Variants in CRTAP observed in about 807,000 individuals in gnomAD.
CRTAP encodes the protein cartilage-associated protein.
Under a neutral mutation model 42.7 loss-of-function variants are expected in CRTAP, and 33 were observed. That is an observed-to-expected ratio of 0.77 (90% CI 0.59 to 1.03). The LOEUF (loss-of-function observed/expected upper bound fraction) is 1.03, where lower values mean the gene tolerates loss of function less well. CRTAP is among the 50% of genes least tolerant of loss of function. The pLI is 0.00. For synonymous variants in CRTAP, 243 were observed against 217.7 expected (o/e 1.12, Z -1.02); for missense variants, 613 against 533.9 (o/e 1.15, Z -1.46).
At position 33,114,153 on chromosome 3, in the gene CRTAP, GC is replaced by G; in HGVS notation, c.79del (p.Gln27AsnfsTer15). ...CVACALRAGRAQYERYSFRSF... is the reference protein window; with the variant it reads ...CVACALRAGRXQYERYSFRSF... ...GGCCTGCGCGCTGCGCGCCGGGCGC[GC>G]CCAATACGAACGCTACAGCTTCCGC... On this transcript the variant is annotated frameshift_variant, in exon 1 of 7. Transcript: ENST00000320954. LOFTEE classifies it high-confidence loss of function. 2 of 1,583,382 alleles carry G rather than the reference GC, an allele frequency of 1.3e-6. No individual in the cohort carries two copies. Among genetic ancestry groups the G allele is most frequent in the Non-Finnish European group, 8.5e-7 (1 of 1,173,184 alleles).
chr3:33,121,965 T>C (rs531114743), intron 2 of CRTAP, among the ~76,000 whole-genome samples: 36 of 152,244 alleles, frequency 2.4e-4, no homozygotes, highest in African/African-American at 8.7e-4. Flanking sequence ...CGCATGCCAA[T>C]GGGACATATA....
chr3:33,132,664 T>G lies in CRTAP; in HGVS notation c.1032T>G (p.Thr344=), dbSNP rs1135127. 0.4 allele frequency: 652,633 copies of G among 1,612,246 alleles called. 137,016 individuals carry two copies. Among genetic ancestry groups the G allele is most frequent in the Middle Eastern group, 0.51 (3,061 of 6,038 alleles). Residue 344 remains threonine (T), a synonymous_variant, in exon 5 of 7, where the codon ACT becomes ACG. Coordinates refer to ENST00000320954, the MANE Select transcript of CRTAP (RefSeq NM_006371.5). Reference sequence around the variant, plus strand: ...TGTATTACCAGTACCACAGGGACACTTGGGGCCTCTCGGATGAGCACTTCC... The same window carrying G: ...TGTATTACCAGTACCACAGGGACACGTGGGGCCTCTCGGATGAGCACTTCC... ...NLVYYQYHRD[T]WGLSDEHFQP... is the part of the protein sequence containing the mutation.
chr3:33,127,673 C>G (rs982674235), intron 3 of CRTAP, among the ~76,000 whole-genome samples: 3 of 152,068 alleles, frequency 2.0e-5, no homozygotes, highest in African/African-American at 7.2e-5. Flanking sequence ...GTCTCGAACT[C>G]CTGACCTCAG....
chr3:33,139,957 T>G (rs2030529516), intron 6 of CRTAP, among the ~76,000 whole-genome samples: 1 of 152,328 alleles, frequency 6.6e-6, no homozygotes, highest in East Asian at 1.9e-4. Context: ...AGGCATTTAG[T>G]TTGCTTCCAA....
At chr3:33,120,021 C>T (rs1401360200) in intron 1 of CRTAP, among the ~76,000 whole-genome samples, 1 of 152,200 alleles carries the variant, frequency 6.6e-6, no homozygotes, top group Non-Finnish European at 1.5e-5. Flanking sequence ...ACTGGGGCTC[C>T]TCATGGGTGA....
chr3:33,116,561 GT>G (rs1036812428), intron 1 of CRTAP, among the ~76,000 whole-genome samples: 3 of 152,116 alleles, frequency 2.0e-5, no homozygotes, highest in African/African-American at 7.2e-5. Flanking sequence ...GTTTCACCAT[GT>G]TGGCCAGGCT....
intron 6 of CRTAP, 61 bp downstream of exon 6, chr3:33,134,326 C>A: frequency 1.8e-6 from 2 of 1,109,632 alleles, no homozygotes; most frequent in Non-Finnish European, 2.8e-6. Flanking sequence ...CACATCTTTG[C>A]TAGAATCACT....
intron 1 of CRTAP, 33 bp from the exon 2 acceptor site, chr3:33,120,311 A>G: frequency 2.5e-6 from 4 of 1,590,412 alleles, no homozygotes; most frequent in Non-Finnish European, 3.5e-6. Context: ...CTTAGCATCC[A>G]TGGAGTAGCT....
At chr3:33,126,927 A>G (rs1186057434) in intron 3 of CRTAP, among the ~76,000 whole-genome samples, 1 of 152,206 alleles carries the variant, frequency 6.6e-6, no homozygotes, top group Non-Finnish European at 1.5e-5. Context: ...TTCACTGAAT[A>G]TGCAATTTGC....
At chr3:33,128,144 A>C (rs1448729072) in intron 3 of CRTAP, among the ~76,000 whole-genome samples, 2 of 152,180 alleles carry the variant, frequency 1.3e-5, no homozygotes, top group East Asian at 1.9e-4. Context: ...TCCTAAGAAC[A>C]ATAATATTAT....
intron 2 of CRTAP, among the ~76,000 whole-genome samples, chr3:33,124,141 A>T (rs2029985377): frequency 6.6e-6 from 1 of 152,306 alleles, no homozygotes; most frequent in South Asian, 2.1e-4. Flanking sequence ...GATCTCTGTC[A>T]TAGTTTTCCC....
At chr3:33,138,834 C>T (rs2030494751) in intron 6 of CRTAP, among the ~76,000 whole-genome samples, 1 of 151,764 alleles carries the variant, frequency 6.6e-6, no homozygotes, top group African/African-American at 2.4e-5. Context: ...TAGCAAGACC[C>T]CATCTCTACA....
rs76328081 is a variant in CRTAP at position 33,137,618 on chromosome 3, T to C, written c.1152+3353T>C. On this transcript the variant is annotated intron_variant, in intron 6 of 6. Coordinates refer to ENST00000320954, the MANE Select transcript of CRTAP (RefSeq NM_006371.5). ...AGTTATAAGTTCCTTATCAGATATATGAATTGTAGATATTTTCTCACAATT... is the reference window on the plus strand; with the variant it reads ...AGTTATAAGTTCCTTATCAGATATACGAATTGTAGATATTTTCTCACAATT... Among the ~76,000 whole-genome samples, 118 of 152,384 alleles carry C rather than the reference T, an allele frequency of 7.7e-4. 1 individual carries two copies. The East Asian group carries it at 0.022, about 28-fold the overall frequency.
intron 4 of CRTAP, among the ~76,000 whole-genome samples, chr3:33,131,698 CTA>C (rs1309369914): frequency 0.011 from 1,732 of 152,222 alleles, 45 homozygotes; most frequent in African/African-American, 0.039. Flanking sequence ...ACCTACCATG[CTA>C]CATTGCTTGA....
chr3:33,130,455 T>A (rs1479354728), intron 4 of CRTAP, among the ~76,000 whole-genome samples: 2 of 152,144 alleles, frequency 1.3e-5, no homozygotes, highest in African/African-American at 4.8e-5. Context: ...CCTTCCTCCT[T>A]ATCACTAGCT....
chr3:33,124,544 T>C lies in CRTAP; in HGVS notation c.758T>C (p.Ile253Thr). The C allele has an allele frequency of 6.2e-7, 1 of 1,614,214 alleles. No homozygotes were observed. The highest frequency in any genetic ancestry group is 8.5e-7 in the Non-Finnish European group (1 of 1,180,036). ...GCAGCCTGCGAGGGTTCCAGGGAGA[T>C]CAAGGACTTCAAGGATTTCTACCTT... is the stretch of plus-strand genomic sequence containing the variant. ...CLAACEGSRE[I>T]KDFKDFYLSI... is the part of the protein sequence containing the mutation. Residue 253 changes from isoleucine (I) to threonine (T), a missense_variant, in exon 3 of 7, where the codon ATC becomes ACC. By Grantham distance (89) the Ile-to-Thr change is moderately conservative. Transcript: ENST00000320954.
rs34649802 is a variant in CRTAP, at chr3:33,124,864, T to C, written c.793+285T>C. On this transcript the variant is annotated intron_variant, in intron 3 of 6. Coordinates refer to ENST00000320954, the MANE Select transcript of CRTAP (RefSeq NM_006371.5). Reference sequence around the variant, plus strand: ...GATTTCCTACAGTCATTTTGAAAAATAAAAATGGGCCCAGGAGCACCTCAG... The same window carrying C: ...GATTTCCTACAGTCATTTTGAAAAACAAAAATGGGCCCAGGAGCACCTCAG... 0.19 allele frequency among the ~76,000 whole-genome samples: 28,202 copies of C among 152,062 alleles called. 3,164 individuals carry two copies. The highest frequency in any genetic ancestry group is 0.28 in the Admixed American group (4,260 of 15,272).
chr3:33,118,320 G>A (rs1575514081), intron 1 of CRTAP, among the ~76,000 whole-genome samples: 1 of 152,308 alleles, frequency 6.6e-6, no homozygotes, highest in East Asian at 1.9e-4. Flanking sequence ...ACTGGCAAAT[G>A]CTTTAAAAGG....
intron 6 of CRTAP, 106 bp from the exon 7 acceptor site, chr3:33,142,289 C>A: frequency 1.8e-6 from 2 of 1,112,196 alleles, no homozygotes; most frequent in Non-Finnish European, 2.7e-6. Context: ...CCTGTTTCAG[C>A]CAAAGCAGAC....
Sources: allele counts gnomAD v4.1 joint callset (sites outside exome capture counted in the v4.1 genomes callset), GRCh38; gene constraint gnomAD v4.1.1; transcripts MANE v1.5; gene names NCBI Gene and HGNC (gene_info 2026-07-23, HGNC 2026-07-21).